Variants in ATOH8 observed in about 807,000 individuals in gnomAD.
ATOH8 encodes the protein transcription factor ATOH8.
In ATOH8, 9 loss-of-function variants were observed where a neutral mutation model predicts 21.2. The observed-to-expected ratio is 0.42, with a 90% CI of 0.26 to 0.74. ATOH8 has a LOEUF of 0.74. Ranked by LOEUF, ATOH8 falls within the 30% of genes least tolerant of loss-of-function variation. The pLI, the probability that ATOH8 is intolerant of heterozygous loss-of-function variation, is 0.24. For synonymous variants in ATOH8, 253 were observed against 224.0 expected, an observed-to-expected ratio of 1.13 and a Z score of -1.16; for missense variants, 524 against 470.9, an observed-to-expected ratio of 1.11 and a Z score of -1.04.
Position 85,788,649 on chromosome 2 carries a change from A to G in ATOH8, c.*1759A>G, listed in dbSNP as rs545965327. Reference sequence around the variant, plus strand: ...CAGAAGGGACAGGGCTGGCCAAGGAAAGGGGGATAGGAGGGGACCGGAGGC... The same window carrying G: ...CAGAAGGGACAGGGCTGGCCAAGGAGAGGGGGATAGGAGGGGACCGGAGGC... On this transcript the variant is annotated 3_prime_UTR_variant, in exon 3 of 3. Coordinates refer to ENST00000306279, the MANE Select transcript of ATOH8 (RefSeq NM_032827.7). 6.6e-6 allele frequency among the ~76,000 whole-genome samples: 1 copy of G among 152,282 alleles called. No individual in the cohort carries two copies. The highest frequency in any genetic ancestry group is 2.1e-4 in the South Asian group (1 of 4,820).
chr2:85,786,964 C>T lies in ATOH8; in HGVS notation c.*74C>T, dbSNP rs1680636358. 1.2e-6 allele frequency: 2 copies of T among 1,603,652 alleles called. No homozygotes were observed. Among genetic ancestry groups the T allele is most frequent in the Non-Finnish European group, 1.7e-6 (2 of 1,171,258 alleles). On this transcript the variant is annotated 3_prime_UTR_variant, in exon 3 of 3. Coordinates refer to ENST00000306279, the MANE Select transcript of ATOH8 (RefSeq NM_032827.7). ...CAGGCCTGAGGACAAGGTGAGCTCG[C>T]TGAGTCCAGCCTCGTGGTCTTCTCC...
chr2:85,783,782 T>A (rs1680556957), intron 2 of ATOH8: 1 of 152,210 alleles, frequency 6.6e-6, no homozygotes, highest in Admixed American at 6.5e-5. Flanking sequence ...AAAGGGGTTC[T>A]GTGGTGTGGT....
chr2:85,773,265 C>T (rs1680239851), intron 2 of ATOH8: 1 of 175,026 alleles, frequency 5.7e-6, no homozygotes, highest in African/African-American at 2.4e-5. Flanking sequence ...CTGACTGCAG[C>T]ATGACATGAA....
intron 2 of ATOH8, chr2:85,774,644 TG>T: frequency 6.1e-6 from 6 of 985,508 alleles, no homozygotes; most frequent in Non-Finnish European, 7.2e-6. Flanking sequence ...CTGGTCAGAC[TG>T]CCTCACTCCA....
chr2:85,776,754 G>A (rs117534656), intron 2 of ATOH8, among the ~76,000 whole-genome samples: 2 of 152,226 alleles, frequency 1.3e-5, no homozygotes, highest in East Asian at 3.9e-4. Flanking sequence ...GACCCTCAGT[G>A]GCAGGGCAGG....
Position 85,790,777 on chromosome 2 carries a change from T to C in ATOH8, c.*3887T>C, listed in dbSNP as rs745915625. 2.0e-5 allele frequency among the ~76,000 whole-genome samples: 3 copies of C among 152,142 alleles called. No homozygotes were observed. The highest frequency in any genetic ancestry group is 7.2e-5 in the African/African-American group (3 of 41,440). On this transcript the variant is annotated 3_prime_UTR_variant, in exon 3 of 3. Transcript: ENST00000306279. ...CGGTGAGCCTGGACGGAGGCATAGG[T>C]GCAGCTAATTAGGATAAGACAGGGG...
intron 1 of ATOH8, 94 bp downstream of exon 1, chr2:85,755,051 G>A: frequency 7.0e-7 from 1 of 1,438,530 alleles, no homozygotes; most frequent in Non-Finnish European, 9.1e-7. Context: ...GTGTGTTTAA[G>A]GGGCAAGCTG....
At chr2:85,769,382 C>T (rs1680115926) in intron 2 of ATOH8, among the ~76,000 whole-genome samples, 2 of 152,096 alleles carry the variant, frequency 1.3e-5, no homozygotes, top group African/African-American at 4.8e-5. Flanking sequence ...GCAAGCTAGA[C>T]CCCCCCGGGT....
intron 1 of ATOH8, among the ~76,000 whole-genome samples, chr2:85,757,748 A>C (rs1679752751): frequency 6.6e-6 from 1 of 151,350 alleles, no homozygotes; most frequent in Non-Finnish European, 1.5e-5. Context: ...GAGGAAAGGT[A>C]GGAGGCCTAT....
chr2:85,787,219 G>A lies in ATOH8; in HGVS notation c.*329G>A, dbSNP rs1680643858. 2.1e-5 allele frequency: 8 copies of A among 388,174 alleles called. No individual in the cohort carries two copies. In the South Asian group the frequency reaches 3.1e-4, roughly 15 times the overall value. 24.0% of individuals were successfully genotyped at this position (388,174 alleles called of 1,614,324 possible). ...GGACAGAGACACCGAAGGAAATGGG[G>A]TGGTGAAACCCCACAGCGAAAAGCC... On this transcript the variant is annotated 3_prime_UTR_variant, in exon 3 of 3. Coordinates refer to ENST00000306279, the MANE Select transcript of ATOH8 (RefSeq NM_032827.7).
At chr2:85,763,474 C>T (rs1349710752) in intron 1 of ATOH8, among the ~76,000 whole-genome samples, 2 of 152,178 alleles carry the variant, frequency 1.3e-5, no homozygotes, top group East Asian at 3.8e-4. Context: ...TGAGCACTGA[C>T]ACTTTCCTTC....
chr2:85,762,597 G>A (rs1282293559), intron 1 of ATOH8, among the ~76,000 whole-genome samples: 1 of 152,208 alleles, frequency 6.6e-6, no homozygotes, highest in Admixed American at 6.5e-5. Context: ...TTAAGGGCAA[G>A]CTGTCCCTCC....
At chr2:85,775,465 G>A (rs1680296671) in intron 2 of ATOH8, among the ~76,000 whole-genome samples, 1 of 152,176 alleles carries the variant, frequency 6.6e-6, no homozygotes, top group African/African-American at 2.4e-5. Flanking sequence ...GGAAAGCACT[G>A]TGTTTCAAAT....
rs1255507389 is a variant in ATOH8 at position 85,786,949 on chromosome 2, G to A, written c.*59G>A. On this transcript the variant is annotated 3_prime_UTR_variant, in exon 3 of 3. Transcript: ENST00000306279. ...GGCCCTCCTTCCAGTCAGGCCTGAGGACAAGGTGAGCTCGCTGAGTCCAGC... is the reference window on the plus strand; with the variant it reads ...GGCCCTCCTTCCAGTCAGGCCTGAGAACAAGGTGAGCTCGCTGAGTCCAGC... 1 of 1,612,828 alleles carries A rather than the reference G, an allele frequency of 6.2e-7. No homozygotes were observed. The highest frequency in any genetic ancestry group is 8.5e-7 in the Non-Finnish European group (1 of 1,179,118).
chr2:85,782,915 C>T (rs920646492), intron 2 of ATOH8, among the ~76,000 whole-genome samples: 8 of 152,194 alleles, frequency 5.3e-5, no homozygotes, highest in African/African-American at 1.7e-4. Flanking sequence ...AGACTGGTCT[C>T]GAACTCCTGA....
chr2:85,776,295 G>C (rs911404385), intron 2 of ATOH8, among the ~76,000 whole-genome samples: 1 of 152,348 alleles, frequency 6.6e-6, no homozygotes, highest in Admixed American at 6.5e-5. Context: ...GAGGCTTGGA[G>C]GCATGGTCTG....
chr2:85,783,581 TAAATA>T (rs1225488338), intron 2 of ATOH8: 4 of 151,946 alleles, frequency 2.6e-5, no homozygotes, highest in Non-Finnish European at 5.9e-5. Context: ...AAAAAATAAA[TAAATA>T]AAATAAAGGG....
intron 2 of ATOH8, chr2:85,772,961 G>A (rs1680230028): frequency 5.2e-6 from 2 of 383,124 alleles, no homozygotes; most frequent in Admixed American, 3.6e-5. Context: ...CACTGGGGAT[G>A]GTTGAAAGTG....
chr2:85,765,428 G>A (rs771623863), intron 2 of ATOH8, among the ~76,000 whole-genome samples: 1 of 152,226 alleles, frequency 6.6e-6, no homozygotes, highest in African/African-American at 2.4e-5. Flanking sequence ...GTAACTGCAC[G>A]TTGCATTCCT....
Sources: allele counts gnomAD v4.1 joint callset (sites outside exome capture counted in the v4.1 genomes callset), GRCh38; gene constraint gnomAD v4.1.1; transcripts MANE v1.5; gene names NCBI Gene and HGNC (gene_info 2026-07-23, HGNC 2026-07-21).